The following PLB1 variants were observed in gnomAD, a reference collection of about 807,000 sequenced individuals.
PLB1 encodes phospholipase B1.
PLB1 carries 242 observed loss-of-function variants against 227.4 expected under a neutral mutation model. That is an observed-to-expected ratio of 1.06 (90% CI 0.96 to 1.18). The LOEUF is 1.18. PLB1 is among the 50% of genes most tolerant of loss of function. The pLI is 0.00. For missense variants in PLB1, 1,858 were observed against 1,816.3 expected (o/e 1.02, Z -0.42); for synonymous variants, 757 against 682.2 (o/e 1.11, Z -1.71).
At chr2:28,565,089 C>T (rs1359513578) in intron 18 of PLB1, among the ~76,000 whole-genome samples, 191 bp from the exon 19 acceptor site, 1 of 152,152 alleles carries the variant, frequency 6.6e-6, no homozygotes, top group Non-Finnish European at 1.5e-5. Flanking sequence ...ACCAGGCATT[C>T]CCAGTGGGCA....
At chr2:28,566,735 A>G in intron 19 of PLB1, 61 bp from the exon 20 acceptor site, 1 of 1,585,374 alleles carries the variant, frequency 6.3e-7, no homozygotes, top group East Asian at 2.2e-5. Context: ...CTAGTGTCTG[A>G]AGGGTCTCGG....
At chr2:28,637,548 C>A (rs1373948587) in intron 56 of PLB1, among the ~76,000 whole-genome samples, 2 of 152,128 alleles carry the variant, frequency 1.3e-5, no homozygotes, top group African/African-American at 4.8e-5. Flanking sequence ...ACTTCCAAAG[C>A]CTCCCACCTC....
At chr2:28,497,379 C>G (rs1666578864) in intron 1 of PLB1, among the ~76,000 whole-genome samples, 1 of 152,116 alleles carries the variant, frequency 6.6e-6, no homozygotes. Flanking sequence ...TATGTTTGGC[C>G]AAGATTCAAA....
At chr2:28,624,998 T>C in intron 49 of PLB1, 59 bp from the exon 50 acceptor site, 1 of 1,513,556 alleles carries the variant, frequency 6.6e-7, no homozygotes, top group Non-Finnish European at 9.2e-7. Flanking sequence ...CAAAATCCCA[T>C]GTCGTGAGTC....
intron 56 of PLB1, among the ~76,000 whole-genome samples, chr2:28,637,059 C>T (rs943944071): frequency 9.2e-5 from 14 of 152,012 alleles, no homozygotes; most frequent in Non-Finnish European, 1.9e-4. Flanking sequence ...TTTGGGAGGC[C>T]GAGGCAGGCA....
At chr2:28,530,823 A>C (rs912580070) in intron 8 of PLB1, among the ~76,000 whole-genome samples, 30 of 152,280 alleles carry the variant, frequency 2.0e-4, no homozygotes, top group Admixed American at 1.2e-3. Context: ...ATATAAGGAC[A>C]GGGATTAGAG....
At chr2:28,605,779 C>G (rs1357491726) in intron 41 of PLB1, 74 bp from the exon 42 acceptor site, 1 of 1,271,872 alleles carries the variant, frequency 7.9e-7, no homozygotes, top group East Asian at 2.3e-5. Flanking sequence ...GTGGTCAGTC[C>G]CAGGGCCAAG....
chr2:28,631,857 C>G (rs547939842), intron 54 of PLB1, among the ~76,000 whole-genome samples, 179 bp from the exon 55 acceptor site: 1 of 152,210 alleles, frequency 6.6e-6, no homozygotes, highest in Non-Finnish European at 1.5e-5. Context: ...TTGAAATGTC[C>G]GTGCCCATGA....
At chr2:28,630,505 C>A in intron 53 of PLB1, 81 bp from the exon 54 acceptor site, 1 of 1,276,336 alleles carries the variant, frequency 7.8e-7, no homozygotes, top group South Asian at 1.3e-5. Context: ...GTGGCCTGCT[C>A]TGTGTGTCAG....
intron 2 of PLB1, 125 bp downstream of exon 2, chr2:28,516,994 G>A: frequency 2.2e-6 from 2 of 929,374 alleles, no homozygotes; most frequent in Non-Finnish European, 3.4e-6. Context: ...TGAGGGAATG[G>A]GCTGGATGAA....
chr2:28,583,506 T>C (rs1224994033), intron 25 of PLB1, among the ~76,000 whole-genome samples: 1 of 152,138 alleles, frequency 6.6e-6, no homozygotes, highest in Non-Finnish European at 1.5e-5. Flanking sequence ...ACTTTTAAAG[T>C]GCTGACATGA....
At position 28,604,302 on chromosome 2, in the gene PLB1, C is replaced by T. The variant is rs559556367; in HGVS notation, c.2856+255C>T. Among the ~76,000 whole-genome samples the T allele has an allele frequency of 2.6e-5, 4 of 152,320 alleles. No homozygotes were observed. In the South Asian group the frequency reaches 8.3e-4, roughly 32 times the overall value. Reference sequence around the variant, plus strand: ...TACCGTTGAGGGCTTAACCCCAACTCCTGGCCCGTAGCCCTGGATGCCTCA... The same window carrying T: ...TACCGTTGAGGGCTTAACCCCAACTTCTGGCCCGTAGCCCTGGATGCCTCA... On this transcript the variant is annotated intron_variant, in intron 40 of 57. Coordinates refer to ENST00000327757, the MANE Select transcript of PLB1 (RefSeq NM_153021.5).
chr2:28,592,544 T>C, intron 31 of PLB1, 117 bp from the exon 32 acceptor site: 1 of 1,024,488 alleles, frequency 9.8e-7, no homozygotes, highest in African/African-American at 1.6e-5. Context: ...CACCCAGCCC[T>C]GCATGGCCCC....
intron 43 of PLB1, among the ~76,000 whole-genome samples, chr2:28,609,506 G>A (rs772159056): frequency 1.3e-5 from 2 of 152,038 alleles, no homozygotes; most frequent in African/African-American, 2.4e-5. Flanking sequence ...AGAAAAAGCC[G>A]AAGTTTATCA....
At chr2:28,614,148 C>T (rs765224519) in intron 44 of PLB1, 52 bp downstream of exon 44, 23 of 1,500,400 alleles carry the variant, frequency 1.5e-5, no homozygotes, top group Non-Finnish European at 2.0e-5. Context: ...TTTCCACCTG[C>T]CAGGGGCTCG....
At chr2:28,581,960 CA>C (rs1558823420) in intron 23 of PLB1, 107 bp from the exon 24 acceptor site, 8 of 1,080,186 alleles carry the variant, frequency 7.4e-6, no homozygotes, top group East Asian at 2.6e-5. Flanking sequence ...GATCCTATCT[CA>C]AAAAAAGAAA....
chr2:28,632,174 T>C, intron 55 of PLB1, 34 bp downstream of exon 55: 6 of 1,517,146 alleles, frequency 4.0e-6, no homozygotes, highest in Non-Finnish European at 5.5e-6. Context: ...GGCTCACGTA[T>C]GGGGGCCTTA....
intron 55 of PLB1, among the ~76,000 whole-genome samples, chr2:28,632,443 G>A (rs1175545436): frequency 1.3e-5 from 2 of 152,086 alleles, no homozygotes; most frequent in Non-Finnish European, 2.9e-5. Context: ...TAGGATAGGG[G>A]TGCTGAAAGA....
intron 20 of PLB1, among the ~76,000 whole-genome samples, chr2:28,571,292 G>A (rs1170211494): frequency 1.3e-5 from 2 of 152,038 alleles, no homozygotes; most frequent in Non-Finnish European, 2.9e-5. Context: ...ACAAAACATT[G>A]CTGTAAGAAA....
Sources: allele counts gnomAD v4.1 joint callset (sites outside exome capture counted in the v4.1 genomes callset), GRCh38; gene constraint gnomAD v4.1.1; transcripts MANE v1.5; gene names NCBI Gene and HGNC (gene_info 2026-07-23, HGNC 2026-07-21).